The following PCDH15 variants were observed in gnomAD, a reference collection of about 807,000 sequenced individuals.
PCDH15 encodes protocadherin-15.
PCDH15 carries 129 observed loss-of-function variants against 178.5 expected under a neutral mutation model. The observed-to-expected ratio is 0.72, with a 90% CI of 0.63 to 0.84. The LOEUF (loss-of-function observed/expected upper bound fraction) is 0.84, where lower values mean the gene tolerates loss of function less well. Among genes scored for constraint, PCDH15 ranks in the 40% least tolerant of loss-of-function variants. The pLI, the probability that PCDH15 is intolerant of heterozygous loss-of-function variation, is 0.00. For synonymous variants in PCDH15, 800 were observed against 732.0 expected, an observed-to-expected ratio of 1.09 and a Z score of -1.50; for missense variants, 2,230 against 2,099.9, an observed-to-expected ratio of 1.06 and a Z score of -1.21.
At chr10:54,146,988 ATAAT>A (rs2044032158) in intron 14 of PCDH15, among the ~76,000 whole-genome samples, 1 of 146,828 alleles carries the variant, frequency 6.8e-6, no homozygotes, top group Non-Finnish European at 1.5e-5. Flanking sequence ...GTATATATAT[ATAAT>A]GTATATATAT....
chr10:54,576,115 C>T (rs924218711), intron 2 of PCDH15, among the ~76,000 whole-genome samples: 1 of 117,034 alleles, frequency 8.5e-6, no homozygotes, highest in Non-Finnish European at 1.8e-5. Context: ...TATCATTTAT[C>T]TATGTATGTA....
chr10:54,497,046 A>T (rs2080189024), intron 3 of PCDH15, among the ~76,000 whole-genome samples: 1 of 152,192 alleles, frequency 6.6e-6, no homozygotes, highest in Admixed American at 6.5e-5. Context: ...TGGGAGTGTT[A>T]CTGCCAGTGG....
At chr10:54,773,116 G>A (rs1254306037) in intron 1 of PCDH15, among the ~76,000 whole-genome samples, 1 of 152,000 alleles carries the variant, frequency 6.6e-6, no homozygotes, top group East Asian at 1.9e-4. Flanking sequence ...GGGGCAGGGA[G>A]AACATCAGGA....
intron 2 of PCDH15, among the ~76,000 whole-genome samples, chr10:54,981,736 G>A (rs985091582): frequency 3.3e-5 from 5 of 151,910 alleles, no homozygotes; most frequent in African/African-American, 1.2e-4. Flanking sequence ...GAGTTTGTTT[G>A]TTTACATGTT....
At chr10:55,403,316 A>G (rs1838118137) in intron 2 of PCDH15, among the ~76,000 whole-genome samples, 1 of 151,718 alleles carries the variant, frequency 6.6e-6, no homozygotes, top group South Asian at 2.1e-4. Flanking sequence ...CTCCCATGTT[A>G]CATGTGGTCT....
At chr10:55,023,164 A>G (rs1352912326) in intron 2 of PCDH15, among the ~76,000 whole-genome samples, 2 of 151,976 alleles carry the variant, frequency 1.3e-5, no homozygotes, top group Admixed American at 6.6e-5. Context: ...GATGGTCTCA[A>G]TCTCCTGACC....
At chr10:55,455,146 G>A (rs977475178) in intron 2 of PCDH15, among the ~76,000 whole-genome samples, 1 of 152,044 alleles carries the variant, frequency 6.6e-6, no homozygotes, top group African/African-American at 2.4e-5. Flanking sequence ...CCAGTAGGCC[G>A]TTTTCTGCCT....
At chr10:54,764,289 T>A (rs1317294331) in intron 1 of PCDH15, among the ~76,000 whole-genome samples, 2 of 152,026 alleles carry the variant, frequency 1.3e-5, no homozygotes, top group Non-Finnish European at 1.5e-5. Flanking sequence ...AGAGAATACA[T>A]GAGCCTGTGA....
chr10:55,168,812 C>T (rs1366504884), intron 1 of PCDH15, among the ~76,000 whole-genome samples: 2 of 152,072 alleles, frequency 1.3e-5, no homozygotes, highest in Admixed American at 6.5e-5. Context: ...ATTGTGCACG[C>T]ATTTTATCAA....
intron 3 of PCDH15, among the ~76,000 whole-genome samples, chr10:54,446,049 A>G (rs1271140654): frequency 6.6e-6 from 1 of 151,494 alleles, no homozygotes; most frequent in East Asian, 1.9e-4. Flanking sequence ...TGACAAAGTA[A>G]AGGGCAGATT....
At chr10:54,513,037 A>T (rs767935610) in intron 3 of PCDH15, among the ~76,000 whole-genome samples, 22 of 151,998 alleles carry the variant, frequency 1.4e-4, no homozygotes, top group Non-Finnish European at 2.9e-4. Context: ...ATAAAATATA[A>T]TTTTATAAAT....
intron 1 of PCDH15, among the ~76,000 whole-genome samples, chr10:54,750,666 C>A (rs1226965029): frequency 2.0e-5 from 3 of 152,016 alleles, no homozygotes; most frequent in African/African-American, 7.2e-5. Flanking sequence ...ATGCTTAATG[C>A]AAATTGCATA....
At position 54,969,319 on chromosome 10, in the gene PCDH15, G is replaced by A. The variant is rs180793670; in HGVS notation, c.-79-71819C>T. On this transcript the variant is annotated intron_variant, in intron 2 of 5. Coordinates refer to the PCDH15 transcript ENST00000458638. ...GCTGTGTTAAGAGCAGAACTCAGTA[G>A]CAGGACTAATTATTTCCCACTACTA... Among the ~76,000 whole-genome samples the A allele has an allele frequency of 3.8e-3, 586 of 152,220 alleles. 3 individuals carry two copies. The highest frequency in any genetic ancestry group is 0.014 in the African/African-American group (568 of 41,568).
intron 8 of PCDH15, among the ~76,000 whole-genome samples, chr10:54,312,428 G>A (rs1051406193): frequency 6.6e-6 from 1 of 151,974 alleles, no homozygotes; most frequent in Non-Finnish European, 1.5e-5. Flanking sequence ...AATGTGACTT[G>A]GACACCCCTC....
chr10:55,288,799 T>G (rs1239838561), intron 1 of PCDH15, among the ~76,000 whole-genome samples: 2 of 151,910 alleles, frequency 1.3e-5, no homozygotes, highest in African/African-American at 2.4e-5. Flanking sequence ...AAACCTTGAC[T>G]ATTGTGAATA....
At chr10:54,815,114 T>C (rs1469116174) in intron 3 of PCDH15, among the ~76,000 whole-genome samples, 2 of 151,254 alleles carry the variant, frequency 1.3e-5, no homozygotes, top group East Asian at 2.0e-4. Context: ...GGTCCACTTA[T>C]ATGTGGATTT....
chr10:54,107,648 G>A (rs1434763752), intron 15 of PCDH15, among the ~76,000 whole-genome samples: 1 of 152,178 alleles, frequency 6.6e-6, no homozygotes, highest in Non-Finnish European at 1.5e-5. Context: ...AGTAGGGCAT[G>A]CCCATGAAGT....
intron 2 of PCDH15, among the ~76,000 whole-genome samples, chr10:55,473,266 C>CT (rs1445028844): frequency 1.3e-5 from 2 of 151,830 alleles, no homozygotes; most frequent in African/African-American, 2.4e-5. Flanking sequence ...CTATAGCTTT[C>CT]TTTTTTATGC....
chr10:54,297,634 A>C (rs2059884735), intron 8 of PCDH15, among the ~76,000 whole-genome samples: 1 of 152,138 alleles, frequency 6.6e-6, no homozygotes, highest in Non-Finnish European at 1.5e-5. Context: ...AGAAATATCC[A>C]AAGGACCACA....
Sources: allele counts gnomAD v4.1 joint callset (sites outside exome capture counted in the v4.1 genomes callset), GRCh38; gene constraint gnomAD v4.1.1; transcripts MANE v1.5; gene names NCBI Gene and HGNC (gene_info 2026-07-23, HGNC 2026-07-21).